The following CHRM3 variants were observed in gnomAD, a reference collection of about 807,000 sequenced individuals.
CHRM3 encodes muscarinic acetylcholine receptor M3.
Under a neutral mutation model 41.8 loss-of-function variants are expected in CHRM3, and 11 were observed. The observed-to-expected ratio is 0.26, with a 90% confidence interval of 0.17 to 0.44. The LOEUF (loss-of-function observed/expected upper bound fraction) is 0.44, where lower values mean the gene tolerates loss of function less well. Ranked by LOEUF, CHRM3 falls within the 20% of genes least tolerant of loss-of-function variation. The probability of loss-of-function intolerance (pLI) is 1.00; values close to 1 mark genes in which losing one functional copy is unlikely to be tolerated. For synonymous variants in CHRM3, 297 were observed against 301.4 expected (o/e 0.99, Z 0.15); for missense variants, 571 against 745.4 (o/e 0.77, Z 2.72).
intron 1 of CHRM3, among the ~76,000 whole-genome samples, chr1:239,421,140 A>G (rs1257488960): frequency 6.6e-6 from 1 of 152,192 alleles, no homozygotes; most frequent in Non-Finnish European, 1.5e-5. Context: ...TATTCAACAG[A>G]TATTTATTGT....
chr1:239,637,730 A>G (rs1212642630), intron 4 of CHRM3, among the ~76,000 whole-genome samples: 3 of 143,242 alleles, frequency 2.1e-5, no homozygotes, highest in South Asian at 2.2e-4. Context: ...TTTTTGGGGA[A>G]TTTGTATTTC....
chr1:239,529,226 G>C (rs1321026148), intron 2 of CHRM3, among the ~76,000 whole-genome samples: 2 of 152,216 alleles, frequency 1.3e-5, no homozygotes, highest in African/African-American at 2.4e-5. Context: ...TGGAGTACCA[G>C]ATGCTTTGAA....
intron 4 of CHRM3, among the ~76,000 whole-genome samples, chr1:239,662,930 T>TCTTCTTCTTCTTCTTCTC (rs972963044): frequency 7.4e-5 from 11 of 148,498 alleles, no homozygotes; most frequent in Admixed American, 3.4e-4. Context: ...TTCTTCTTCT[T>TCTTCTTCTTCTTCTTCTC]CTCCTCTTCT....
At chr1:239,654,818 A>C (rs983677783) in intron 4 of CHRM3, among the ~76,000 whole-genome samples, 11 of 152,202 alleles carry the variant, frequency 7.2e-5, no homozygotes, top group Admixed American at 2.0e-4. Flanking sequence ...AAATCAGAGG[A>C]GATATTTCAG....
At chr1:239,767,921 G>A (rs1667351034) in intron 5 of CHRM3, among the ~76,000 whole-genome samples, 1 of 152,102 alleles carries the variant, frequency 6.6e-6, no homozygotes, top group Admixed American at 6.5e-5. Flanking sequence ...GTGGGCTGGA[G>A]TGGGACGTGA....
chr1:239,573,605 T>C (rs550513989), intron 3 of CHRM3, among the ~76,000 whole-genome samples: 129 of 152,206 alleles, frequency 8.5e-4, no homozygotes, highest in African/African-American at 3.0e-3. Flanking sequence ...AACTATGCAA[T>C]GTATGCAGTG....
At chr1:239,451,302 T>G (rs1317089125) in intron 1 of CHRM3, among the ~76,000 whole-genome samples, 4 of 152,222 alleles carry the variant, frequency 2.6e-5, no homozygotes, top group African/African-American at 7.2e-5. Flanking sequence ...GCTTATCTTT[T>G]ATAATTCTGT....
chr1:239,466,001 AT>A (rs549115480), intron 1 of CHRM3, among the ~76,000 whole-genome samples: 1 of 151,464 alleles, frequency 6.6e-6, no homozygotes, highest in African/African-American at 2.4e-5. Flanking sequence ...TTATTTATTT[AT>A]TTTTTTCCTG....
intron 2 of CHRM3, among the ~76,000 whole-genome samples, chr1:239,504,585 A>C (rs1668442711): frequency 6.6e-6 from 1 of 152,204 alleles, no homozygotes; most frequent in South Asian, 2.1e-4. Context: ...GAGAAAAAGA[A>C]GTCATAATAT....
At chr1:239,616,698 T>G (rs1667674489) in intron 3 of CHRM3, among the ~76,000 whole-genome samples, 1 of 152,082 alleles carries the variant, frequency 6.6e-6, no homozygotes, top group Admixed American at 6.5e-5. Context: ...AAACTGACCT[T>G]TCCAAATATT....
chr1:239,806,870 G>A (rs571047207), intron 5 of CHRM3, among the ~76,000 whole-genome samples: 16 of 152,260 alleles, frequency 1.1e-4, no homozygotes, highest in African/African-American at 2.6e-4. Context: ...CTTTCAAGGC[G>A]TAAAATTAAT....
intron 5 of CHRM3, among the ~76,000 whole-genome samples, chr1:239,821,733 C>T (rs1672068294): frequency 6.6e-6 from 1 of 152,168 alleles, no homozygotes; most frequent in Non-Finnish European, 1.5e-5. Flanking sequence ...TTTTCTAAAA[C>T]TGTACTTGGA....
intron 1 of CHRM3, among the ~76,000 whole-genome samples, chr1:239,470,320 C>G (rs1666026440): frequency 6.6e-6 from 1 of 152,272 alleles, no homozygotes; most frequent in African/African-American, 2.4e-5. Context: ...GAAGAAACCA[C>G]TACTGCCCAC....
intron 6 of CHRM3, among the ~76,000 whole-genome samples, chr1:239,890,443 TC>T (rs956215640): frequency 1.3e-5 from 2 of 152,148 alleles, no homozygotes; most frequent in Admixed American, 6.5e-5. Context: ...AGTCAAATGT[TC>T]CTCAAGCAAG....
At chr1:239,850,121 C>G (rs2149217585) in intron 6 of CHRM3, among the ~76,000 whole-genome samples, 1 of 152,148 alleles carries the variant, frequency 6.6e-6, no homozygotes, top group South Asian at 2.1e-4. Context: ...CTACCAGTAA[C>G]ATAAACAATG....
At chr1:239,444,751 G>A (rs187059010) in intron 1 of CHRM3, among the ~76,000 whole-genome samples, 148 of 152,162 alleles carry the variant, frequency 9.7e-4, no homozygotes, top group Admixed American at 1.5e-3. Flanking sequence ...TATACGAGAT[G>A]AAGACAAAAA....
intron 1 of CHRM3, among the ~76,000 whole-genome samples, chr1:239,390,574 G>A (rs1237464042): frequency 6.6e-6 from 1 of 151,052 alleles, no homozygotes; most frequent in African/African-American, 2.4e-5. Context: ...CGGAGAGGGT[G>A]TGCAGGTATG....
chr1:239,858,776 C>T (rs1162845269), intron 6 of CHRM3, among the ~76,000 whole-genome samples: 1 of 152,150 alleles, frequency 6.6e-6, no homozygotes, highest in African/African-American at 2.4e-5. Context: ...CCTAGAGCCC[C>T]TCCCCCAGCA....
chr1:239,777,237 T>A lies in CHRM3; in HGVS notation c.-146-50015T>A, dbSNP rs1572259690. The stretch of plus-strand genomic sequence containing the variant: ...TAAACAAGAATCCACTAAAAGAAAG[T>A]CAAGCCAAATCGACATGATCATCTG... On this transcript the variant is annotated intron_variant, in intron 5 of 6. Coordinates refer to ENST00000676153, the MANE Select transcript of CHRM3 (RefSeq NM_001375978.1). Among the ~76,000 whole-genome samples, 4 of 152,130 alleles carry A rather than the reference T, an allele frequency of 2.6e-5. 1 individual carries two copies. Among genetic ancestry groups the A allele is most frequent in the Admixed American group, 2.6e-4 (4 of 15,278 alleles).
Sources: allele counts gnomAD v4.1 joint callset (sites outside exome capture counted in the v4.1 genomes callset), GRCh38; gene constraint gnomAD v4.1.1; transcripts MANE v1.5; gene names NCBI Gene and HGNC (gene_info 2026-07-23, HGNC 2026-07-21).